Variants in CACNA1D observed in about 807,000 individuals in gnomAD.
CACNA1D encodes the protein calcium voltage-gated channel subunit alpha1 D.
A neutral mutation model predicts 257.1 loss-of-function variants in CACNA1D; 55 were observed. The ratio of observed to expected loss-of-function variants is 0.21; its 90% CI spans 0.17 to 0.27. The LOEUF (loss-of-function observed/expected upper bound fraction) is 0.27. Ranked by LOEUF, CACNA1D falls within the 10% of genes least tolerant of loss-of-function variation. The pLI, the probability that CACNA1D is intolerant of heterozygous loss-of-function variation, is 1.00. For synonymous variants in CACNA1D, 980 were observed against 1,014.9 expected (o/e 0.97, Z 0.65); for missense variants, 1,876 against 2,784.0 (o/e 0.67, Z 7.34).
At chr3:53,520,854 CTTT>C (rs2091529364) in intron 3 of CACNA1D, among the ~76,000 whole-genome samples, 1 of 69,814 alleles carries the variant, frequency 1.4e-5, no homozygotes, top group Non-Finnish European at 2.9e-5. Context: ...AAACTCCTTT[CTTT>C]CTTTCTTTCT....
chr3:53,804,728 C>T (rs570175693), intron 44 of CACNA1D, among the ~76,000 whole-genome samples: 5 of 152,346 alleles, frequency 3.3e-5, no homozygotes, highest in South Asian at 2.1e-4. Flanking sequence ...GCTCACAGGA[C>T]ATCTGCGATC....
At chr3:53,777,002 T>C in intron 37 of CACNA1D, 46 bp downstream of exon 37, 1 of 1,439,552 alleles carries the variant, frequency 6.9e-7, no homozygotes. Flanking sequence ...TGTAGAAGCT[T>C]GCTTCATTTA....
In CACNA1D at chr3:53,650,937, G is replaced by A; in HGVS notation, c.623+19G>A. 1.2e-6 allele frequency: 2 copies of A among 1,609,102 alleles called. No homozygotes were observed. Among genetic ancestry groups the A allele is most frequent in the Non-Finnish European group, 1.7e-6 (2 of 1,175,724 alleles). ...TAGTAGGGTAAGTCTCTTTTACTTTGGGGAAATGTTGATTTGGAAAATGGG... is the reference window on the plus strand; with the variant it reads ...TAGTAGGGTAAGTCTCTTTTACTTTAGGGAAATGTTGATTTGGAAAATGGG... On this transcript the variant is annotated intron_variant, in intron 4 of 47. Coordinates refer to ENST00000350061, the MANE Select transcript of CACNA1D (RefSeq NM_001128840.3).
At chr3:53,722,618 C>G (rs1239766088) in intron 12 of CACNA1D, 144 bp downstream of exon 12, 2 of 852,152 alleles carry the variant, frequency 2.3e-6, no homozygotes, top group Non-Finnish European at 3.9e-6. Context: ...CATCCAGACA[C>G]AGCAACTACC....
At chr3:53,633,380 G>C (rs768513206) in intron 3 of CACNA1D, among the ~76,000 whole-genome samples, 1 of 152,158 alleles carries the variant, frequency 6.6e-6, no homozygotes, top group Non-Finnish European at 1.5e-5. Flanking sequence ...CCGGCTGCTC[G>C]GGAGGCGGAG....
intron 3 of CACNA1D, among the ~76,000 whole-genome samples, chr3:53,577,767 T>C (rs1281587197): frequency 1.3e-5 from 2 of 152,180 alleles, no homozygotes; most frequent in Admixed American, 1.3e-4. Context: ...CAGAATTCTG[T>C]CATGCAGAAT....
intron 25 of CACNA1D, 34 bp from the exon 26 acceptor site, chr3:53,747,268 A>T: frequency 6.2e-7 from 1 of 1,606,668 alleles, no homozygotes; most frequent in Non-Finnish European, 8.5e-7. Context: ...GTCATGTGTG[A>T]AGCCAGACGA....
chr3:53,762,139 C>T (rs1011444599), intron 30 of CACNA1D, 58 bp downstream of exon 30: 11 of 1,038,416 alleles, frequency 1.1e-5, no homozygotes, highest in Middle Eastern at 2.0e-4. Context: ...TCTGTGCATA[C>T]TCCGCTCCCT....
chr3:53,637,016 AT>A (rs1422573908), intron 3 of CACNA1D, among the ~76,000 whole-genome samples: 1 of 151,910 alleles, frequency 6.6e-6, no homozygotes, highest in African/African-American at 2.4e-5. Flanking sequence ...CAATGGTCTT[AT>A]TTTTATTTTA....
intron 8 of CACNA1D, among the ~76,000 whole-genome samples, chr3:53,677,224 T>C (rs2094385212): frequency 6.6e-6 from 1 of 152,284 alleles, no homozygotes; most frequent in Admixed American, 6.5e-5. Context: ...TGGCAGTGTC[T>C]GAGCTTGCAA....
intron 37 of CACNA1D, among the ~76,000 whole-genome samples, chr3:53,777,946 A>G (rs1197162822): frequency 6.6e-6 from 1 of 152,248 alleles, no homozygotes; most frequent in Non-Finnish European, 1.5e-5. Context: ...CTGCATAGCA[A>G]CTAGTTCTTG....
At chr3:53,623,284 A>G (rs2093719492) in intron 3 of CACNA1D, among the ~76,000 whole-genome samples, 2 of 152,258 alleles carry the variant, frequency 1.3e-5, no homozygotes, top group African/African-American at 2.4e-5. Context: ...TTTACTTTAA[A>G]ATACTCATAA....
intron 39 of CACNA1D, among the ~76,000 whole-genome samples, chr3:53,784,032 G>A (rs2095440001): frequency 6.6e-6 from 1 of 152,216 alleles, no homozygotes; most frequent in Admixed American, 6.5e-5. Flanking sequence ...CTTCGCTAGT[G>A]TGCTGTGAGG....
chr3:53,566,508 A>G (rs112223589), intron 3 of CACNA1D, among the ~76,000 whole-genome samples: 4,817 of 152,048 alleles, frequency 0.032, 252 homozygotes, highest in African/African-American at 0.11. Context: ...GAGTTCCTAC[A>G]TGGCACCTGA....
intron 9 of CACNA1D, among the ~76,000 whole-genome samples, chr3:53,703,800 G>A (rs967162093): frequency 1.3e-5 from 2 of 152,194 alleles, no homozygotes; most frequent in African/African-American, 4.8e-5. Context: ...ACCCAGAGCT[G>A]GAGAGGATGT....
chr3:53,731,773 C>G (rs891107231), intron 17 of CACNA1D, among the ~76,000 whole-genome samples: 1 of 152,194 alleles, frequency 6.6e-6, no homozygotes, highest in Non-Finnish European at 1.5e-5. Flanking sequence ...AAGGACAGAG[C>G]CCTGAATGGT....
intron 39 of CACNA1D, among the ~76,000 whole-genome samples, chr3:53,784,489 G>A (rs2095442517): frequency 6.6e-6 from 1 of 152,154 alleles, no homozygotes; most frequent in African/African-American, 2.4e-5. Context: ...TTAGCACAGT[G>A]TCTCAATGGA....
chr3:53,507,072 C>CAAAAA (rs781421977), intron 3 of CACNA1D, among the ~76,000 whole-genome samples: 32 of 56,640 alleles, frequency 5.6e-4, no homozygotes, highest in Admixed American at 6.7e-4. Context: ...GACTCTATCT[C>CAAAAA]AAAAAAAAAA....
chr3:53,603,515 A>G (rs142999779), intron 3 of CACNA1D, among the ~76,000 whole-genome samples: 219 of 152,328 alleles, frequency 1.4e-3, no homozygotes, highest in African/African-American at 4.7e-3. Flanking sequence ...GACCTAGTAT[A>G]TATAGATGGT....
Sources: allele counts gnomAD v4.1 joint callset (sites outside exome capture counted in the v4.1 genomes callset), GRCh38; gene constraint gnomAD v4.1.1; transcripts MANE v1.5; gene names NCBI Gene and HGNC (gene_info 2026-07-23, HGNC 2026-07-21).